The following HDAC7 variants were observed in gnomAD, a reference collection of about 807,000 sequenced individuals.
HDAC7 encodes histone deacetylase 7, also known as histone deacetylase 7A.
Under a neutral mutation model 115.5 loss-of-function variants are expected in HDAC7, and 26 were observed. That is an observed-to-expected ratio of 0.23 (90% CI 0.16 to 0.31). HDAC7 has a LOEUF of 0.31. Ranked by LOEUF, HDAC7 falls within the 10% of genes least tolerant of loss-of-function variation. The pLI is 1.00. For synonymous variants in HDAC7, 564 were observed against 550.9 expected, an observed-to-expected ratio of 1.02 and a Z score of -0.33; for missense variants, 1,068 against 1,329.0, an observed-to-expected ratio of 0.80 and a Z score of 3.05.
chr12:47,798,688 G>C lies in HDAC7; in HGVS notation c.259-36C>G. 4 of 1,594,348 alleles carry C rather than the reference G, an allele frequency of 2.5e-6. No individual in the cohort carries two copies. The highest frequency in any genetic ancestry group is 3.4e-6 in the Non-Finnish European group (4 of 1,169,704). The stretch of plus-strand genomic sequence containing the variant: ...GGCCGGCAGCCCAGAAAGGGACAAG[G>C]AGTTGAGGACTGAGACTGGTGTCTA... On this transcript the variant is annotated intron_variant, in intron 3 of 25. Coordinates refer to ENST00000080059, the MANE Select transcript of HDAC7 (RefSeq NM_015401.5). The surrounding 1 kb of genome is among the most constrained non-coding windows in gnomAD (Gnocchi z 4.3).
intron 1 of HDAC7, among the ~76,000 whole-genome samples, chr12:47,808,756 C>T (rs968313747): frequency 1.3e-5 from 2 of 152,210 alleles, no homozygotes; most frequent in Non-Finnish European, 2.9e-5. Flanking sequence ...TGGCCTTCAG[C>T]TTATAGCCTG....
intron 1 of HDAC7, among the ~76,000 whole-genome samples, chr12:47,806,642 T>C (rs1944416254): frequency 6.6e-6 from 1 of 151,868 alleles, no homozygotes; most frequent in East Asian, 1.9e-4. Flanking sequence ...TGAGCTGAGA[T>C]TGCACCACTG....
Position 47,785,844 on chromosome 12 carries a change from C to T in HDAC7, c.2614G>A (p.Gly872Ser). ...CCCTCCAAGGCCAGCACCACTGCGC[C>T]TCCTGCCAGGTTCATCAGTTGCTGC... ...MTQQLMNLAG[G>S]AVVLALEGGH... is the part of the protein sequence containing the mutation. The change falls in exon 23 of 26, where the codon GGC (glycine) becomes AGC (serine). Residue 872 changes from glycine to serine, a missense_variant. Transcript: ENST00000080059. The T allele has an allele frequency of 6.2e-7, 1 of 1,610,944 alleles. No individual in the cohort carries two copies. The highest frequency in any genetic ancestry group is 8.5e-7 in the Non-Finnish European group (1 of 1,178,742).
At position 47,794,786 on chromosome 12, in the gene HDAC7, G is replaced by A. The variant is rs757308121; in HGVS notation, c.1432C>T (p.Pro478Ser). 6.2e-5 allele frequency: 100 copies of A among 1,609,362 alleles called. 1 individual carries two copies. In the East Asian group the frequency reaches 2.2e-3, roughly 35 times the overall value. ...TGAGGGTGCTGCTGGAGAGGAGCGG[G>A]GCCTCTGGCCTCAGGCTGCCCATGG... ...LGHGQPEARGPAPLQQHPQVL... is the reference protein window; with the variant it reads ...LGHGQPEARGSAPLQQHPQVL... Residue 478 changes from proline (P) to serine (S), a missense_variant, in exon 12 of 26, where the codon CCC (proline) becomes TCC (serine). By Grantham distance (74) the Pro-to-Ser change is moderately conservative (BLOSUM62 -1). Transcript: ENST00000080059.
intron 17 of HDAC7, 106 bp downstream of exon 17, chr12:47,789,707 A>G: frequency 7.3e-7 from 1 of 1,370,118 alleles, no homozygotes; most frequent in Non-Finnish European, 1.0e-6. Flanking sequence ...ACCCTGTAGC[A>G]ATCTCTAAGA....
chr12:47,813,228 C>A (rs1807580668), intron 1 of HDAC7: 1 of 144,236 alleles, frequency 6.9e-6, no homozygotes, highest in Non-Finnish European at 1.5e-5. Flanking sequence ...GTGCCACCAG[C>A]CTGTCATTCT....
chr12:47,784,917 GTCT>G (rs1486799767), intron 24 of HDAC7: 6 of 698,124 alleles, frequency 8.6e-6, no homozygotes, highest in Non-Finnish European at 1.4e-5. Flanking sequence ...TAGATTATGG[GTCT>G]TGACATAAGA....
intron 2 of HDAC7, among the ~76,000 whole-genome samples, chr12:47,801,174 C>T (rs2544029): frequency 0.23 from 35,688 of 152,148 alleles, 4,473 homozygotes; most frequent in Non-Finnish European, 0.27. Flanking sequence ...GGACTCCAAT[C>T]ACATGGCTGT....
rs1943281869 is a variant in HDAC7 at position 47,788,249 on chromosome 12, T to C, written c.2236-85A>G. On this transcript the variant is annotated intron_variant, in intron 19 of 25. Transcript: ENST00000080059. Reference sequence around the variant, plus strand: ...AGAAGGGTTTCAAGGTCAGTGGCCATTCTGAGGTCAGGACCCTAGACTGGG... The same window carrying C: ...AGAAGGGTTTCAAGGTCAGTGGCCACTCTGAGGTCAGGACCCTAGACTGGG... 6.1e-6 allele frequency: 9 copies of C among 1,486,544 alleles called. No individual in the cohort carries two copies. In the East Asian group the frequency reaches 1.9e-4, roughly 31 times the overall value. The allele number at this position is 1,486,544 out of a possible 1,614,324, so 92.1% of individuals were successfully genotyped here.
chr12:47,813,916 C>G (rs1944772628), intron 1 of HDAC7, among the ~76,000 whole-genome samples: 1 of 152,240 alleles, frequency 6.6e-6, no homozygotes, highest in African/African-American at 2.4e-5. Flanking sequence ...GAAAAACCTT[C>G]CTGGGAGAAG....
intron 2 of HDAC7, among the ~76,000 whole-genome samples, chr12:47,801,860 CGGTGT>C (rs1255630876): frequency 4.0e-5 from 6 of 151,860 alleles, no homozygotes; most frequent in Non-Finnish European, 8.8e-5. Context: ...CTTGCAGAGC[CGGTGT>C]GAGGACCGAG....
intron 16 of HDAC7, 186 bp downstream of exon 16, chr12:47,791,073 G>C: frequency 1.6e-6 from 1 of 633,372 alleles, no homozygotes. Context: ...GGAGACTGTG[G>C]GTCCGAGACA....
At chr12:47,796,832 G>A (rs879497177) in intron 7 of HDAC7, among the ~76,000 whole-genome samples, 185 bp downstream of exon 7, 2 of 152,200 alleles carry the variant, frequency 1.3e-5, no homozygotes, top group Non-Finnish European at 2.9e-5. Context: ...TGTCACCTTA[G>A]CTAACAGAGC....
At chr12:47,785,194 G>C (rs3815135) in intron 24 of HDAC7, 193 bp downstream of exon 24, 187,963 of 584,738 alleles carry the variant, frequency 0.32, 31,604 homozygotes, top group Admixed American at 0.48. Context: ...GCTCCATCGG[G>C]GGGGCTCAGA....
chr12:47,816,712 C>T (rs970187846), intron 1 of HDAC7, among the ~76,000 whole-genome samples: 1 of 152,228 alleles, frequency 6.6e-6, no homozygotes, highest in Admixed American at 6.5e-5. Context: ...CACCCCTGCC[C>T]CTTGCCCCAG....
At chr12:47,814,004 A>C (rs1055028587) in intron 1 of HDAC7, among the ~76,000 whole-genome samples, 3 of 152,130 alleles carry the variant, frequency 2.0e-5, no homozygotes, top group African/African-American at 7.2e-5. Flanking sequence ...GTGAAAGTTA[A>C]CCTCCTGAGA....
At position 47,803,410 on chromosome 12, in the gene HDAC7, C is replaced by G. The variant is rs1017939529; in HGVS notation, c.20-1136G>C. Among the ~76,000 whole-genome samples, 1 of 152,150 alleles carries G rather than the reference C, an allele frequency of 6.6e-6. No individual in the cohort carries two copies. The highest frequency in any genetic ancestry group is 2.4e-5 in the African/African-American group (1 of 41,422). ...GAAATGAGAACTTCCTGCAGGCAGG[C>G]GCTGCTGGGGGAGGGGGCAGCCTGG... On this transcript the variant is annotated intron_variant, in intron 1 of 25. Coordinates refer to ENST00000080059, the MANE Select transcript of HDAC7 (RefSeq NM_015401.5). The surrounding 1 kb of genome is among the most constrained non-coding windows in gnomAD (Gnocchi z 4.0).
At chr12:47,814,607 TC>T (rs1944799597) in intron 1 of HDAC7, among the ~76,000 whole-genome samples, 1 of 152,266 alleles carries the variant, frequency 6.6e-6, no homozygotes, top group South Asian at 2.1e-4. Flanking sequence ...CTTGTGCAGC[TC>T]CCCCTTCTGC....
Position 47,801,778 on chromosome 12 carries a change from G to C in HDAC7, c.70+446C>G, listed in dbSNP as rs560389397. Among the ~76,000 whole-genome samples, 11 of 152,302 alleles carry C rather than the reference G, an allele frequency of 7.2e-5. No individual in the cohort carries two copies. In the East Asian group the frequency reaches 2.1e-3, roughly 29 times the overall value. ...AGCAGAGGAGGCTCGGGCCAGCAGA[G>C]GGAGGAGGCGCAGACAGTGAGAGAA... On this transcript the variant is annotated intron_variant, in intron 2 of 25. Transcript: ENST00000080059.
Sources: gnomAD v4.1 joint callset for allele counts (sites outside exome capture counted in the v4.1 genomes callset) on GRCh38, gnomAD v4.1.1 for gene constraint, Gnocchi (gnomAD v3.1) non-coding constraint, MANE v1.5 for transcripts, NCBI Gene and HGNC (gene_info 2026-07-23, HGNC 2026-07-21) for gene names.